The following CCAR1 variants were observed in gnomAD, a reference collection of about 807,000 sequenced individuals.
CCAR1 encodes the protein cell division cycle and apoptosis regulator protein 1.
Under a neutral mutation model 163.8 loss-of-function variants are expected in CCAR1, and 78 were observed. The observed-to-expected ratio is 0.48, with a 90% confidence interval of 0.40 to 0.57. CCAR1 has a LOEUF of 0.57. Among genes scored for constraint, CCAR1 ranks in the 20% least tolerant of loss-of-function variants. The pLI is 0.00. For synonymous variants in CCAR1, 443 were observed against 460.7 expected (o/e 0.96, Z 0.49); for missense variants, 1,019 against 1,365.2 (o/e 0.75, Z 4.00).
At chr10:68,725,783 T>G (rs1418593250) in intron 2 of CCAR1, among the ~76,000 whole-genome samples, 1 of 152,140 alleles carries the variant, frequency 6.6e-6, no homozygotes, top group Non-Finnish European at 1.5e-5. Flanking sequence ...GTTCCAAAAT[T>G]TGATGGAAAT....
chr10:68,778,249 A>G (rs1319602045), intron 19 of CCAR1, among the ~76,000 whole-genome samples: 1 of 152,112 alleles, frequency 6.6e-6, no homozygotes, highest in East Asian at 1.9e-4. Context: ...AGTGCTCACA[A>G]TGACTTACAA....
intron 2 of CCAR1, 111 bp downstream of exon 2, chr10:68,722,688 G>GCGGAGGAGGTGGATCA (rs2055876479): frequency 2.6e-6 from 2 of 779,206 alleles, no homozygotes; most frequent in African/African-American, 3.5e-5. Context: ...ACTTTGGGAA[G>GCGGAGGAGGTGGATCA]CGGAGGAGGT....
chr10:68,760,879 CAAAAAA>C (rs3998847), intron 15 of CCAR1, 122 bp from the exon 16 acceptor site: 11 of 304,054 alleles, frequency 3.6e-5, no homozygotes, highest in African/African-American at 2.3e-4. Flanking sequence ...AAACAAAAAA[CAAAAAA>C]AAAAAAAACA....
At chr10:68,768,718 A>G (rs569852185) in intron 17 of CCAR1, among the ~76,000 whole-genome samples, 6 of 152,208 alleles carry the variant, frequency 3.9e-5, no homozygotes, top group Non-Finnish European at 8.8e-5. Flanking sequence ...CACAGTCCCT[A>G]CGGCACTTTG....
chr10:68,742,612 C>A, intron 6 of CCAR1, 43 bp downstream of exon 6: 2 of 1,424,484 alleles, frequency 1.4e-6, no homozygotes, highest in South Asian at 1.2e-5. Flanking sequence ...TTGCATTTAC[C>A]ACAAAACACC....
At chr10:68,752,012 G>A (rs1172403023) in intron 10 of CCAR1, among the ~76,000 whole-genome samples, 1 of 149,896 alleles carries the variant, frequency 6.7e-6, no homozygotes, top group Non-Finnish European at 1.5e-5. Flanking sequence ...TGCCTCCCGG[G>A]TTCACGCCAT....
At chr10:68,774,936 G>A (rs1217144129) in intron 19 of CCAR1, 4 of 312,466 alleles carry the variant, frequency 1.3e-5, no homozygotes, top group Non-Finnish European at 2.4e-5. Flanking sequence ...AGTTCTTTTT[G>A]TTTTTTTTTT....
At position 68,756,292 on chromosome 10, in the gene CCAR1, C is replaced by T. The variant is rs2056396463; in HGVS notation, c.1645C>T (p.Arg549Cys). The T allele has an allele frequency of 6.2e-7, 1 of 1,613,870 alleles. No homozygotes were observed. The change falls in exon 14 of 25, where the codon CGC becomes TGC. Residue 549 changes from arginine (R) to cysteine (C), a missense_variant. This residue lies in a region of CCAR1 where 644 missense variants were observed against 904.4 expected (regional missense o/e 0.71). Transcript: ENST00000265872. This position sits in a 1 kb window ranked among gnomAD's most constrained non-coding sequence, Gnocchi z 5.1. The part of the protein sequence containing the change: ...CTQWYRFAEI[R>C]YHRPEETHKG... Reference sequence around the variant, plus strand: ...CAACAGGTACCGTTTTGCAGAGATTCGCTACCATCGCCCTGAGGAGACCCA... The same window carrying T: ...CAACAGGTACCGTTTTGCAGAGATTTGCTACCATCGCCCTGAGGAGACCCA...
chr10:68,745,937 A>ATTTT (rs2056248268), intron 6 of CCAR1, among the ~76,000 whole-genome samples: 2 of 152,082 alleles, frequency 1.3e-5, no homozygotes, highest in East Asian at 3.9e-4. Flanking sequence ...GTACCTGGCC[A>ATTTT]TCTACTTTTT....
intron 18 of CCAR1, 105 bp downstream of exon 18, chr10:68,771,550 G>T (rs1487572449): frequency 9.8e-7 from 1 of 1,017,182 alleles, no homozygotes; most frequent in East Asian, 2.4e-5. Flanking sequence ...CAAACTGAAA[G>T]ATTTTACTAT....
At chr10:68,779,852 C>T (rs151298956) in intron 19 of CCAR1, among the ~76,000 whole-genome samples, 4 of 152,048 alleles carry the variant, frequency 2.6e-5, no homozygotes, top group Non-Finnish European at 4.4e-5. Context: ...TTCTGTGCAC[C>T]CATTGAAGAA....
intron 6 of CCAR1, among the ~76,000 whole-genome samples, chr10:68,744,766 T>A (rs564614112): frequency 6.6e-6 from 1 of 151,858 alleles, no homozygotes; most frequent in African/African-American, 2.4e-5. Flanking sequence ...AATTTCACTT[T>A]AAACTCATGT....
chr10:68,747,719 G>T (rs1482076517), intron 8 of CCAR1, among the ~76,000 whole-genome samples, 153 bp downstream of exon 8: 1 of 152,068 alleles, frequency 6.6e-6, no homozygotes, highest in Non-Finnish European at 1.5e-5. Flanking sequence ...CTATGTGGAA[G>T]TATTTTTTTT....
Position 68,747,163 on chromosome 10 carries a change from C to A in CCAR1, c.521C>A (p.Ala174Asp). 2.0e-6 allele frequency: 3 copies of A among 1,478,978 alleles called. No homozygotes were observed. The highest frequency in any genetic ancestry group is 1.8e-4 in the Middle Eastern group (1 of 5,676). 91.6% of individuals were successfully genotyped at this position (1,478,978 alleles called of 1,614,324 possible). Residue 174 changes from alanine (A) to aspartate (D), a missense_variant and splice_region_variant, in exon 7 of 25, where the codon GCT (alanine) becomes GAT (aspartate). Coordinates refer to ENST00000265872, the MANE Select transcript of CCAR1 (RefSeq NM_018237.4). The stretch of plus-strand genomic sequence containing the variant: ...TTTTTTTCTTTTTTTTTTTACAGTG[C>A]TGTCAAAGGGAAAACCCCCCAAGTA... Reference protein sequence around the residue: ...VDEDVFFQLSAVKGKTPQVGD... With the variant: ...VDEDVFFQLSDVKGKTPQVGD...
At chr10:68,724,867 A>C (rs879890621) in intron 2 of CCAR1, among the ~76,000 whole-genome samples, 12 of 151,962 alleles carry the variant, frequency 7.9e-5, no homozygotes, top group Non-Finnish European at 1.2e-4. Flanking sequence ...TGCTGGATGC[A>C]GTGGCTCACT....
Position 68,788,322 on chromosome 10 carries a change from A to G in CCAR1, c.3181A>G (p.Lys1061Glu). The G allele has an allele frequency of 1.3e-6, 2 of 1,559,724 alleles. No individual in the cohort carries two copies. The highest frequency in any genetic ancestry group is 1.7e-6 in the Non-Finnish European group (2 of 1,161,928). ...ACAGAAGCTGCAGTTACTAGAAGAAAAAACAGGTAAGGGTCAGCTTTGAAT... is the reference window on the plus strand; with the variant it reads ...ACAGAAGCTGCAGTTACTAGAAGAAGAAACAGGTAAGGGTCAGCTTTGAAT... ...VEQKLQLLEE[K>E]TDEDEKTILN... The change falls in exon 23 of 25, where the codon AAA becomes GAA. Residue 1061 changes from lysine to glutamate, a missense_variant. Around this residue, in one of 4 missense-constraint regions of CCAR1, gnomAD observed 358 missense variants for 406.4 expected, o/e 0.88. Coordinates refer to ENST00000265872, the MANE Select transcript of CCAR1 (RefSeq NM_018237.4).
Position 68,756,466 on chromosome 10 carries a change from G to A in CCAR1, c.1819G>A (p.Glu607Lys). 6.2e-7 allele frequency: 1 copy of A among 1,610,530 alleles called. No homozygotes were observed. The highest frequency in any genetic ancestry group is 8.5e-7 in the Non-Finnish European group (1 of 1,178,230). The change falls in exon 14 of 25, where the codon GAG (glutamate) becomes AAG (lysine). Residue 607 changes from glutamate to lysine, a missense_variant. This residue lies in a region of CCAR1 where 644 missense variants were observed against 904.4 expected (regional missense o/e 0.71). Transcript: ENST00000265872. The surrounding 1 kb of genome is among the most constrained non-coding windows in gnomAD (Gnocchi z 5.1). ...LVEKLQGERK[E>K]ADGEQDEEEK... ...CGAGAAGCTTCAGGGTGAACGCAAG[G>A]AGGCTGATGGAGAACAGGCACTGAA...
At position 68,766,096 on chromosome 10, in the gene CCAR1, GA is replaced by G. The variant is rs772842005; in HGVS notation, c.2298+20del. 1.3e-6 allele frequency: 2 copies of G among 1,510,836 alleles called. No homozygotes were observed. The highest frequency in any genetic ancestry group is 1.8e-6 in the Non-Finnish European group (2 of 1,087,564). The allele number at this position is 1,510,836 out of a possible 1,614,324, so 93.6% of individuals were successfully genotyped here. A position where few individuals can be genotyped will look rare whatever the true frequency, so the allele number is the denominator to read the frequency against. ...TCATTTGAGGTAATGTTTTAAGTTT[GA>G]AATAAGATCCATATAAGGTCCACAC... On this transcript the variant is annotated intron_variant, in intron 17 of 24. Transcript: ENST00000265872.
intron 16 of CCAR1, among the ~76,000 whole-genome samples, chr10:68,764,363 C>A (rs1589177592): frequency 6.7e-6 from 1 of 149,564 alleles, no homozygotes; most frequent in South Asian, 2.1e-4. Flanking sequence ...GAGACAACTT[C>A]GTGAGACCCC....
Sources: allele counts gnomAD v4.1 joint callset (sites outside exome capture counted in the v4.1 genomes callset), GRCh38; gene constraint gnomAD v4.1.1; regional missense constraint gnomAD v4.1.1; non-coding constraint Gnocchi (gnomAD v3.1); transcripts MANE v1.5; gene names NCBI Gene and HGNC (gene_info 2026-07-23, HGNC 2026-07-21).